PTPRA: variants seen among roughly 807,000 people sequenced by gnomAD.
PTPRA encodes the protein protein tyrosine phosphatase receptor type A, also known as receptor-type tyrosine-protein phosphatase alpha.
In PTPRA, 25 loss-of-function variants were observed where a neutral mutation model predicts 104.8. The ratio of observed to expected loss-of-function variants is 0.24; its 90% CI spans 0.17 to 0.33. The LOEUF is 0.33. Among genes scored for constraint, PTPRA ranks in the 10% least tolerant of loss-of-function variants. The pLI is 1.00. For missense variants in PTPRA, 765 were observed against 1,015.3 expected (o/e 0.75, Z 3.35); for synonymous variants, 323 against 368.9 (o/e 0.88, Z 1.43).
At chr20:2,870,268 T>G (rs1171635489), upstream of PTPRA, among the ~76,000 whole-genome samples, 2 of 151,842 alleles carry the variant, frequency 1.3e-5, no homozygotes, top group Non-Finnish European at 2.9e-5. Flanking sequence ...CTCGGGAGGC[T>G]GAGGCAGGAG....
At chr20:2,871,618 GC>G (rs2089430942), upstream of PTPRA, among the ~76,000 whole-genome samples, 1 of 152,218 alleles carries the variant, frequency 6.6e-6, no homozygotes, top group Non-Finnish European at 1.5e-5. Flanking sequence ...GCATAGGGCT[GC>G]TATCCCAGCT....
intron 13 of PTPRA, among the ~76,000 whole-genome samples, chr20:3,018,930 G>A (rs1360979323): frequency 2.3e-5 from 3 of 130,596 alleles, no homozygotes; most frequent in Admixed American, 7.3e-5. Flanking sequence ...AGGGGCGGCC[G>A]GGCAGAGGCG....
At chr20:2,944,487 G>T (rs2061050919) in intron 2 of PTPRA, among the ~76,000 whole-genome samples, 1 of 152,214 alleles carries the variant, frequency 6.6e-6, no homozygotes, top group South Asian at 2.1e-4. Flanking sequence ...GTGAGCCAAA[G>T]CTTCTCACAT....
intron 1 of PTPRA, among the ~76,000 whole-genome samples, chr20:2,893,831 T>C (rs1227543109): frequency 2.0e-5 from 3 of 152,106 alleles, no homozygotes; most frequent in Non-Finnish European, 4.4e-5. Context: ...TCTAGATGTG[T>C]CTTATTTCTT....
intron 1 of PTPRA, among the ~76,000 whole-genome samples, chr20:2,890,911 T>C (rs1169516578): frequency 6.6e-6 from 1 of 152,182 alleles, no homozygotes; most frequent in African/African-American, 2.4e-5. Flanking sequence ...CCTTGCTAAT[T>C]AGGAGAAACT....
chr20:2,971,175 C>T (rs1600192549), intron 5 of PTPRA, among the ~76,000 whole-genome samples: 1 of 152,070 alleles, frequency 6.6e-6, no homozygotes, highest in Non-Finnish European at 1.5e-5. Context: ...TTATTATAAA[C>T]ATTAGAATTA....
rs2061330933 is a variant in PTPRA, at chr20:2,950,870, A to G, written c.-7+2846A>G. Among the ~76,000 whole-genome samples, 1 of 152,180 alleles carries G rather than the reference A, an allele frequency of 6.6e-6. No individual in the cohort carries two copies. Among genetic ancestry groups the G allele is most frequent in the Admixed American group, 6.5e-5 (1 of 15,270 alleles). On this transcript the variant is annotated intron_variant, in intron 3 of 23. Transcript: ENST00000399903. This position sits in a 1 kb window ranked among gnomAD's most constrained non-coding sequence, Gnocchi z 4.0. ...ATTTATTACATTTTGATCCATGTAT[A>G]TAGCAGGGAAATATCACCACAACAA... is the stretch of plus-strand genomic sequence containing the variant.
In PTPRA at chr20:3,037,949, T is replaced by A; in HGVS notation, c.2335-110T>A. 1.1e-6 allele frequency: 1 copy of A among 932,152 alleles called. No homozygotes were observed. The highest frequency in any genetic ancestry group is 1.7e-6 in the Non-Finnish European group (1 of 588,388). The allele number at this position is 932,152 out of a possible 1,614,324, so 57.7% of individuals were successfully genotyped here. On this transcript the variant is annotated intron_variant, in intron 23 of 23. Transcript: ENST00000399903. The surrounding 1 kb of genome is among the most constrained non-coding windows in gnomAD (Gnocchi z 4.3). ...AGCTCAGGTGAAAGTTCAAAAACAT[T>A]CAGTTCCTCTTGATTTTCCATCTTC... is the stretch of plus-strand genomic sequence containing the variant.
intron 5 of PTPRA, among the ~76,000 whole-genome samples, chr20:2,971,879 G>A (rs1204521023): frequency 6.6e-6 from 1 of 152,100 alleles, no homozygotes; most frequent in African/African-American, 2.4e-5. Context: ...TCTGTTACCA[G>A]GCTGGAGTGC....
intron 1 of PTPRA, among the ~76,000 whole-genome samples, chr20:2,893,616 G>T (rs1026594855): frequency 2.0e-5 from 3 of 151,968 alleles, no homozygotes; most frequent in African/African-American, 7.2e-5. Context: ...ATGGTATATG[G>T]ATCTGTTTTT....
In PTPRA at chr20:3,009,935, G is replaced by C. The variant is rs1015942702; in HGVS notation, c.906+2515G>C. Among the ~76,000 whole-genome samples, 18 of 151,666 alleles carry C rather than the reference G, an allele frequency of 1.2e-4. No individual in the cohort carries two copies. In the South Asian group the frequency reaches 2.7e-3, roughly 23 times the overall value. On this transcript the variant is annotated intron_variant, in intron 11 of 23. Coordinates refer to ENST00000399903, the MANE Select transcript of PTPRA (RefSeq NM_001385305.1). ...ACGATCTTGGCTTACTACGACCTCT[G>C]CCTCCCGGGCTCAAGCGATTCTCAT...
At chr20:3,015,260 C>G (rs1777273411) in intron 11 of PTPRA, among the ~76,000 whole-genome samples, 1 of 151,702 alleles carries the variant, frequency 6.6e-6, no homozygotes, top group South Asian at 2.1e-4. Context: ...ATGGTCTAAT[C>G]TGGGAGTCAG....
rs1425551835 is a variant in PTPRA, at chr20:3,033,503, C to G, written c.1921-2082C>G. ...TATGCGCAGCCTCGTCTGCAGTGGC[C>G]TGGCAACTGGTCCTCCTGCTCTCAT... On this transcript the variant is annotated intron_variant, in intron 20 of 23. Coordinates refer to ENST00000399903, the MANE Select transcript of PTPRA (RefSeq NM_001385305.1). 2.6e-5 allele frequency among the ~76,000 whole-genome samples: 4 copies of G among 152,112 alleles called. No individual in the cohort carries two copies. In the East Asian group the frequency reaches 5.8e-4, roughly 22 times the overall value.
intron 2 of PTPRA, among the ~76,000 whole-genome samples, chr20:2,944,039 C>CTTT (rs398061270): frequency 3.1e-5 from 4 of 127,590 alleles, no homozygotes; most frequent in African/African-American, 5.8e-5. Context: ...CTCTACTGGT[C>CTTT]TTTTTTTTTT....
chr20:2,930,291 A>G (rs973190724), intron 2 of PTPRA, among the ~76,000 whole-genome samples: 2 of 152,164 alleles, frequency 1.3e-5, no homozygotes, highest in Non-Finnish European at 2.9e-5. Flanking sequence ...CCACTAACAT[A>G]TGGTATGATT....
intron 1 of PTPRA, among the ~76,000 whole-genome samples, chr20:2,879,498 G>A (rs1327951940): frequency 6.6e-6 from 1 of 152,194 alleles, no homozygotes; most frequent in Admixed American, 6.5e-5. Flanking sequence ...CAGTGACAGA[G>A]TAATTCTCTG....
In PTPRA at chr20:2,890,460, C is replaced by T. The variant is rs114628812; in HGVS notation, c.-129+16700C>T. On this transcript the variant is annotated intron_variant, in intron 1 of 23. Transcript: ENST00000399903. ...TGTTTGTTTTAAGCATTAGATAGTG[C>T]GTGGTAAATGCTTAGCACAGTTCTT... is the stretch of plus-strand genomic sequence containing the variant. Among the ~76,000 whole-genome samples, 259 of 152,162 alleles carry T rather than the reference C, an allele frequency of 1.7e-3. 3 individuals carry two copies. The highest frequency in any genetic ancestry group is 5.6e-3 in the African/African-American group (234 of 41,504).
At chr20:2,986,961 G>A in intron 7 of PTPRA, 112 bp downstream of exon 7, 3 of 967,744 alleles carry the variant, frequency 3.1e-6, no homozygotes, top group Non-Finnish European at 4.9e-6. Flanking sequence ...ATAGGATAGA[G>A]GGGGAATGAC....
At chr20:2,944,664 C>T (rs2061056982) in intron 2 of PTPRA, among the ~76,000 whole-genome samples, 1 of 152,186 alleles carries the variant, frequency 6.6e-6, no homozygotes, top group Non-Finnish European at 1.5e-5. Context: ...ATAGGAGTGG[C>T]AGTGTCTCAC....
Sources: allele counts gnomAD v4.1 joint callset (sites outside exome capture counted in the v4.1 genomes callset), GRCh38; gene constraint gnomAD v4.1.1; non-coding constraint Gnocchi (gnomAD v3.1); transcripts MANE v1.5; gene names NCBI Gene and HGNC (gene_info 2026-07-23, HGNC 2026-07-21).